HEPHL1: variants seen among roughly 807,000 people sequenced by gnomAD.
HEPHL1 encodes the protein ferroxidase HEPHL1.
HEPHL1 carries 123 observed loss-of-function variants against 122.0 expected under a neutral mutation model. That is an observed-to-expected ratio of 1.01 (90% confidence interval 0.87 to 1.17). The LOEUF is 1.17. Ranked by LOEUF, HEPHL1 falls within the 50% of genes most tolerant of loss-of-function variation. The pLI, the probability that HEPHL1 is intolerant of heterozygous loss-of-function variation, is 0.00. For missense variants in HEPHL1, 1,452 were observed against 1,430.5 expected, an observed-to-expected ratio of 1.01 and a Z score of -0.24; for synonymous variants, 527 against 508.9, an observed-to-expected ratio of 1.04 and a Z score of -0.48.
At chr11:94,103,071 G>T (rs1946381225) in intron 15 of HEPHL1, 51 bp downstream of exon 15, 1 of 1,020,996 alleles carries the variant, frequency 9.8e-7, no homozygotes, top group Non-Finnish European at 1.6e-6. Flanking sequence ...GATGAAAGTT[G>T]ACTACTTGGG....
intron 2 of HEPHL1, among the ~76,000 whole-genome samples, chr11:94,049,986 T>C (rs1282848161): frequency 6.6e-6 from 1 of 152,208 alleles, no homozygotes; most frequent in Non-Finnish European, 1.5e-5. Context: ...AGTCTTTCAA[T>C]CCATGAACAT....
At chr11:94,030,383 A>G (rs539105148) in intron 1 of HEPHL1, among the ~76,000 whole-genome samples, 2 of 152,328 alleles carry the variant, frequency 1.3e-5, no homozygotes, top group Admixed American at 6.5e-5. Flanking sequence ...GAAAAACAGA[A>G]GTGGTTTAAA....
rs779270791 is a variant in HEPHL1, at chr11:94,106,028, C to G, written c.2943C>G (p.Leu981=). 1.9e-6 allele frequency: 3 copies of G among 1,599,462 alleles called. No individual in the cohort carries two copies. Among genetic ancestry groups the G allele is most frequent in the Non-Finnish European group, 2.6e-6 (3 of 1,170,166 alleles). ...NGKIFGNLHG[L]IMNEDTMTNW... The stretch of plus-strand genomic sequence containing the variant: ...AGATTTTTGGGAATCTCCATGGCCT[C>G]ATAATGAACGAAGATACAATGACAA... Residue 981 remains leucine (L), a synonymous_variant, in exon 17 of 20, where the codon CTC becomes CTG. Coordinates refer to ENST00000315765, the MANE Select transcript of HEPHL1 (RefSeq NM_001098672.2).
At chr11:94,055,680 A>G (rs932125684) in intron 2 of HEPHL1, 1 of 385,992 alleles carries the variant, frequency 2.6e-6, no homozygotes, top group Non-Finnish European at 5.1e-6. Flanking sequence ...GGCTAGTGAC[A>G]GGCTGGAAGA....
intron 13 of HEPHL1, among the ~76,000 whole-genome samples, chr11:94,094,011 T>A (rs914588817): frequency 1.7e-5 from 2 of 114,670 alleles, no homozygotes; most frequent in South Asian, 3.1e-4. Context: ...TATATATATA[T>A]ATAAAACTTT....
At chr11:94,064,240 CA>C in intron 3 of HEPHL1, 90 bp from the exon 4 acceptor site, 1 of 974,880 alleles carries the variant, frequency 1.0e-6, no homozygotes, top group Non-Finnish European at 1.5e-6. Context: ...AGGTCTTCAC[CA>C]AACTTCACAC....
chr11:94,042,883 A>ACAAAAAACAAAC (rs1555058778), intron 1 of HEPHL1, among the ~76,000 whole-genome samples: 1 of 132,398 alleles, frequency 7.6e-6, no homozygotes, highest in Non-Finnish European at 1.6e-5. Context: ...AATAAAAAAA[A>ACAAAAAACAAAC]AAAAAAAAAA....
rs771931020 is a variant in HEPHL1, at chr11:94,110,902, G to C, written c.3046-1G>C. On this transcript the variant is annotated splice_acceptor_variant, in intron 17 of 19. Transcript: ENST00000315765. LOFTEE classifies it high-confidence loss of function. ...TGTTGTTTTTTAAAACGTTTTTGCAGATAGATAAATCTTACCGAGAAGATG... is the reference window on the plus strand; with the variant it reads ...TGTTGTTTTTTAAAACGTTTTTGCACATAGATAAATCTTACCGAGAAGATG... 1.4e-5 allele frequency: 22 copies of C among 1,608,316 alleles called. No individual in the cohort carries two copies. The highest frequency in any genetic ancestry group is 1.4e-5 in the Non-Finnish European group (17 of 1,176,832).
rs780129631 is a variant in HEPHL1, at chr11:94,101,195, G to C, written c.2435G>C (p.Gly812Ala). Reference sequence around the variant, plus strand: ...ACACAGGCCTGTGTTTTGCCTTTAGGCCCAATGATTCATGCTGAGGTGGGC... The same window carrying C: ...ACACAGGCCTGTGTTTTGCCTTTAGCCCCAATGATTCATGCTGAGGTGGGC... Reference protein sequence around the residue: ...PPREEHLELLGPMIHAEVGNT... With the variant: ...PPREEHLELLAPMIHAEVGNT... Residue 812 changes from glycine (G) to alanine (A), a missense_variant and splice_region_variant, in exon 14 of 20, where the codon GGC becomes GCC. Transcript: ENST00000315765. 2.5e-6 allele frequency: 4 copies of C among 1,613,498 alleles called. No homozygotes were observed. In the African/African-American group the frequency reaches 5.3e-5, roughly 22 times the overall value.
intron 2 of HEPHL1, among the ~76,000 whole-genome samples, chr11:94,046,414 C>G (rs1945839193): frequency 6.6e-6 from 1 of 150,832 alleles, no homozygotes. Flanking sequence ...CATGCTTTTT[C>G]TTTCCCTTAT....
chr11:94,059,386 G>T (rs1334272611), intron 2 of HEPHL1, among the ~76,000 whole-genome samples: 1 of 152,048 alleles, frequency 6.6e-6, no homozygotes, highest in East Asian at 1.9e-4. Context: ...ATTGCTGGTT[G>T]TATATACTTT....
chr11:94,065,105 G>C (rs934862366), intron 4 of HEPHL1, among the ~76,000 whole-genome samples: 1 of 152,160 alleles, frequency 6.6e-6, no homozygotes, highest in Non-Finnish European at 1.5e-5. Context: ...TTGAGATGGG[G>C]CACTTACTCA....
rs138253439 is a variant in HEPHL1 at position 94,109,011 on chromosome 11, G to A, written c.3046-1892G>A. ...AATCCATGAACATGGTATATCTATC[G>A]TTTAGCTCTTCTTTGATTTCTTTCA... On this transcript the variant is annotated intron_variant, in intron 17 of 19. Coordinates refer to ENST00000315765, the MANE Select transcript of HEPHL1 (RefSeq NM_001098672.2). Among the ~76,000 whole-genome samples, 460 of 152,090 alleles carry A rather than the reference G, an allele frequency of 3.0e-3. 5 individuals carry two copies. Among genetic ancestry groups the A allele is most frequent in the African/African-American group, 9.7e-3 (402 of 41,530 alleles).
In HEPHL1 at chr11:94,102,952, T is replaced by G; in HGVS notation, c.2614T>G (p.Ser872Ala). 1 of 1,608,172 alleles carries G rather than the reference T, an allele frequency of 6.2e-7. No individual in the cohort carries two copies. The change falls in exon 15 of 20, where the codon TCC becomes GCC. Residue 872 changes from serine (S) to alanine (A), a missense_variant. Ser to Ala is a moderately conservative substitution (Grantham distance 99). Transcript: ENST00000315765. Reference sequence around the variant, plus strand: ...TTATAGATGGAATATCCCTAAAAGATCCGGTCCAGGGCCTTCTGATCCCAA... The same window carrying G: ...TTATAGATGGAATATCCCTAAAAGAGCCGGTCCAGGGCCTTCTGATCCCAA... ...KTYRWNIPKR[S>A]GPGPSDPNCI...
chr11:94,044,562 T>C (rs1945816342), intron 1 of HEPHL1, among the ~76,000 whole-genome samples: 1 of 152,034 alleles, frequency 6.6e-6, no homozygotes, highest in Admixed American at 6.6e-5. Context: ...CATCCTTATC[T>C]CTCACTCCTC....
At chr11:94,045,633 T>A (rs1257981787) in intron 1 of HEPHL1, 40 bp from the exon 2 acceptor site, 1 of 1,523,138 alleles carries the variant, frequency 6.6e-7, no homozygotes, top group Non-Finnish European at 8.9e-7. Flanking sequence ...AGGTCTTCTC[T>A]TTTCATTTCA....
intron 12 of HEPHL1, 26 bp downstream of exon 12, chr11:94,088,994 T>G (rs964561739): frequency 3.7e-6 from 6 of 1,603,776 alleles, no homozygotes; most frequent in East Asian, 2.2e-5. Flanking sequence ...CCGCTAGGGC[T>G]CCTCGGTGGG....
intron 1 of HEPHL1, among the ~76,000 whole-genome samples, chr11:94,022,710 A>G (rs1945592601): frequency 6.6e-6 from 1 of 152,242 alleles, no homozygotes; most frequent in African/African-American, 2.4e-5. Flanking sequence ...GAAACTCTTG[A>G]TTGCTTTCAA....
chr11:94,056,123 C>T (rs538448748), intron 2 of HEPHL1, among the ~76,000 whole-genome samples: 15 of 152,188 alleles, frequency 9.9e-5, no homozygotes, highest in South Asian at 8.3e-4. Context: ...CCTTTTATCG[C>T]GACAAAATAT....
Sources: gnomAD v4.1 joint callset for allele counts (sites outside exome capture counted in the v4.1 genomes callset) on GRCh38, gnomAD v4.1.1 for gene constraint, MANE v1.5 for transcripts, NCBI Gene and HGNC (gene_info 2026-07-23, HGNC 2026-07-21) for gene names.